The following HCN1 variants were observed in gnomAD, a reference collection of about 807,000 sequenced individuals.
The protein encoded by HCN1 is hyperpolarization activated cyclic nucleotide gated potassium channel 1, also known as potassium/sodium hyperpolarization-activated cyclic nucleotide-gated channel 1.
A neutral mutation model predicts 78.9 loss-of-function variants in HCN1; 13 were observed. The ratio of observed to expected loss-of-function variants is 0.16; its 90% confidence interval spans 0.11 to 0.26. The LOEUF (loss-of-function observed/expected upper bound fraction) is 0.26, where lower values mean the gene tolerates loss of function less well. Ranked by LOEUF, HCN1 falls within the 10% of genes least tolerant of loss-of-function variation. The pLI, the probability that HCN1 is intolerant of heterozygous loss-of-function variation, is 1.00. For missense variants in HCN1, 810 were observed against 1,154.3 expected, an observed-to-expected ratio of 0.70 and a Z score of 4.32; for synonymous variants, 552 against 455.5, an observed-to-expected ratio of 1.21 and a Z score of -2.70.
At chr5:45,322,396 T>G (rs542713782) in intron 5 of HCN1, among the ~76,000 whole-genome samples, 2 of 151,838 alleles carry the variant, frequency 1.3e-5, no homozygotes, top group Non-Finnish European at 2.9e-5. Context: ...ATTTATTAAA[T>G]GCTTTGTGCT....
At chr5:45,647,777 G>A (rs987552460) in intron 1 of HCN1, among the ~76,000 whole-genome samples, 3 of 152,052 alleles carry the variant, frequency 2.0e-5, no homozygotes, top group African/African-American at 7.2e-5. Flanking sequence ...ATAACTCTAT[G>A]TGTGATTTGC....
intron 2 of HCN1, among the ~76,000 whole-genome samples, chr5:45,505,612 T>C (rs571073899): frequency 3.0e-4 from 46 of 152,252 alleles, no homozygotes; most frequent in Non-Finnish European, 5.7e-4. Context: ...TGGAGAAGGG[T>C]AAATTATAAC....
chr5:45,347,958 A>G (rs1746785695), intron 5 of HCN1, among the ~76,000 whole-genome samples: 2 of 152,222 alleles, frequency 1.3e-5, no homozygotes, highest in South Asian at 2.1e-4. Flanking sequence ...ATTATACAGG[A>G]GAACTTCCCC....
intron 2 of HCN1, among the ~76,000 whole-genome samples, chr5:45,597,200 C>T (rs1399207925): frequency 6.6e-6 from 1 of 152,168 alleles, no homozygotes; most frequent in African/African-American, 2.4e-5. Context: ...TCCTGCAGCA[C>T]ATCAAAAAGC....
At chr5:45,527,774 C>A (rs1051485823) in intron 2 of HCN1, among the ~76,000 whole-genome samples, 1 of 151,932 alleles carries the variant, frequency 6.6e-6, no homozygotes, top group Non-Finnish European at 1.5e-5. Context: ...GGACTGAAGG[C>A]AGACAGAACA....
At chr5:45,504,075 A>G (rs1272010460) in intron 2 of HCN1, among the ~76,000 whole-genome samples, 1 of 152,048 alleles carries the variant, frequency 6.6e-6, no homozygotes, top group Non-Finnish European at 1.5e-5. Flanking sequence ...ATGAGCCACC[A>G]TGCCAGGACC....
At chr5:45,350,799 C>A (rs1388728357) in intron 5 of HCN1, among the ~76,000 whole-genome samples, 3 of 151,990 alleles carry the variant, frequency 2.0e-5, no homozygotes, top group African/African-American at 7.3e-5. Flanking sequence ...AATAAAATAC[C>A]TGGGAATCCA....
At chr5:45,391,067 C>T (rs968441281) in intron 4 of HCN1, among the ~76,000 whole-genome samples, 4 of 149,008 alleles carry the variant, frequency 2.7e-5, no homozygotes, top group Non-Finnish European at 5.9e-5. Context: ...AAGCAAAGTA[C>T]ATGCTGTAGC....
chr5:45,588,408 C>T (rs1744285782), intron 2 of HCN1, among the ~76,000 whole-genome samples: 1 of 152,062 alleles, frequency 6.6e-6, no homozygotes, highest in African/African-American at 2.4e-5. Context: ...GTTTAAATTC[C>T]AAACAAAATG....
chr5:45,664,283 GA>G (rs1227239283), intron 1 of HCN1, among the ~76,000 whole-genome samples: 2 of 122,858 alleles, frequency 1.6e-5, no homozygotes, highest in African/African-American at 3.2e-5. Context: ...ACAGGAAGGG[GA>G]ATATCACACT....
rs548681559 is a variant in HCN1 at position 45,266,137 on chromosome 5, C to T, written c.1783+952G>A. Among the ~76,000 whole-genome samples, 35 of 152,218 alleles carry T rather than the reference C, an allele frequency of 2.3e-4. 1 individual carries two copies. The South Asian group carries it at 7.1e-3, about 31-fold the overall frequency. ...AATGTTAACAGCAAGCCAATCCAAG[C>T]TAACTTTACTATGGCAATTATGCAA... On this transcript the variant is annotated intron_variant, in intron 7 of 7. Transcript: ENST00000303230.
chr5:45,299,583 G>A (rs1445062424), intron 6 of HCN1, among the ~76,000 whole-genome samples: 2 of 151,722 alleles, frequency 1.3e-5, no homozygotes, highest in Admixed American at 6.6e-5. Flanking sequence ...CCAGGAGATA[G>A]TAATGTGTAC....
At chr5:45,694,180 T>A (rs1274705154) in intron 1 of HCN1, among the ~76,000 whole-genome samples, 2 of 152,236 alleles carry the variant, frequency 1.3e-5, no homozygotes, top group African/African-American at 2.4e-5. Context: ...ATTTTCTTTT[T>A]TTTAAAATTT....
chr5:45,429,962 T>C (rs1740429643), intron 3 of HCN1, among the ~76,000 whole-genome samples: 1 of 152,128 alleles, frequency 6.6e-6, no homozygotes, highest in African/African-American at 2.4e-5. Context: ...ATGGATTTTT[T>C]TTTTTAAGAA....
chr5:45,372,016 A>AATATATATAATATAATTATACATATATT lies in HCN1; in HGVS notation c.1231-18771_1231-18770insAATATATGTATAATTATATTATATATAT, dbSNP rs1561127716. ...GTAATATATATAGTATATATCATAT[A>AATATATATAATATAATTATACATATATT]ATATATATAATATAATTATATATAT... is the stretch of plus-strand genomic sequence containing the variant. On this transcript the variant is annotated intron_variant, in intron 4 of 7. Coordinates refer to ENST00000303230, the MANE Select transcript of HCN1 (RefSeq NM_021072.4). Among the ~76,000 whole-genome samples, 248 of 64,662 alleles carry AATATATATAATATAATTATACATATATT rather than the reference A, an allele frequency of 3.8e-3. 26 individuals carry two copies. Among genetic ancestry groups the AATATATATAATATAATTATACATATATT allele is most frequent in the African/African-American group, 0.016 (228 of 14,128 alleles). The allele number at this position is 64,662 out of a possible 152,430, so 42.4% of individuals were successfully genotyped here. A position where few individuals can be genotyped will look rare whatever the true frequency, so the allele number is the denominator to read the frequency against.
intron 1 of HCN1, among the ~76,000 whole-genome samples, chr5:45,675,801 A>T (rs531336111): frequency 6.6e-6 from 1 of 152,008 alleles, no homozygotes; most frequent in East Asian, 1.9e-4. Flanking sequence ...ATAAAAGTTC[A>T]ATAAAGTCAT....
At chr5:45,502,667 A>T (rs1347741543) in intron 2 of HCN1, among the ~76,000 whole-genome samples, 3 of 152,194 alleles carry the variant, frequency 2.0e-5, no homozygotes, top group African/African-American at 4.8e-5. Flanking sequence ...CCTAATAAAA[A>T]TATTTGTAAA....
chr5:45,679,420 A>G (rs917761683), intron 1 of HCN1, among the ~76,000 whole-genome samples: 2 of 152,088 alleles, frequency 1.3e-5, no homozygotes, highest in African/African-American at 4.8e-5. Flanking sequence ...CCGTGTGACC[A>G]GTTAAAACAA....
At chr5:45,453,489 C>T (rs913712912) in intron 3 of HCN1, among the ~76,000 whole-genome samples, 3 of 152,078 alleles carry the variant, frequency 2.0e-5, no homozygotes, top group African/African-American at 4.8e-5. Context: ...TGACTTTTCA[C>T]GTATTTTTCA....
Sources: gnomAD v4.1 joint callset for allele counts (sites outside exome capture counted in the v4.1 genomes callset) on GRCh38, gnomAD v4.1.1 for gene constraint, MANE v1.5 for transcripts, NCBI Gene and HGNC (gene_info 2026-07-23, HGNC 2026-07-21) for gene names.